TXNRD1: variants seen among roughly 807,000 people sequenced by gnomAD.
The protein encoded by TXNRD1 is thioredoxin reductase 1, cytoplasmic.
In TXNRD1, 57 loss-of-function variants were observed where a neutral mutation model predicts 80.3. The ratio of observed to expected loss-of-function variants is 0.71; its 90% confidence interval spans 0.57 to 0.89. The LOEUF (loss-of-function observed/expected upper bound fraction) is 0.89, where lower values mean the gene tolerates loss of function less well. Ranked by LOEUF, TXNRD1 falls within the 40% of genes least tolerant of loss-of-function variation. The pLI, the probability that TXNRD1 is intolerant of heterozygous loss-of-function variation, is 0.00. For synonymous variants in TXNRD1, 291 were observed against 285.2 expected, an observed-to-expected ratio of 1.02 and a Z score of -0.20; for missense variants, 730 against 803.0, an observed-to-expected ratio of 0.91 and a Z score of 1.10.
chr12:104,260,148 G>A (rs1303704872), intron 3 of TXNRD1, among the ~76,000 whole-genome samples: 1 of 152,006 alleles, frequency 6.6e-6, no homozygotes, highest in African/African-American at 2.4e-5. Context: ...AGCCTGACCA[G>A]TATGGAGAAA....
At chr12:104,310,120 T>C (rs1251952774) in intron 4 of TXNRD1, 3 of 1,482,232 alleles carry the variant, frequency 2.0e-6, no homozygotes, top group Non-Finnish European at 2.7e-6. Flanking sequence ...GGGCTTTTTT[T>C]TGTTATTAAA....
chr12:104,250,137 T>C (rs1469258383), intron 1 of TXNRD1, among the ~76,000 whole-genome samples: 3 of 152,124 alleles, frequency 2.0e-5, no homozygotes, highest in Non-Finnish European at 2.9e-5. Flanking sequence ...TTGACAAGGT[T>C]GGCAAGATAC....
chr12:104,311,209 A>G (rs769709465), intron 4 of TXNRD1, 81 bp from the exon 5 acceptor site: 8 of 1,436,278 alleles, frequency 5.6e-6, no homozygotes, highest in Non-Finnish European at 7.4e-6. Flanking sequence ...GTTTTTCTTT[A>G]AGAAAAGATT....
chr12:104,327,948 C>CAGG (rs1239851600), intron 13 of TXNRD1, among the ~76,000 whole-genome samples: 1 of 151,720 alleles, frequency 6.6e-6, no homozygotes, highest in Non-Finnish European at 1.5e-5. Flanking sequence ...ATCACCAGGT[C>CAGG]AGGAGTTCAA....
rs138442725 is a variant in TXNRD1, at chr12:104,345,621, A to C, written c.1882-2732A>C. ...CTGAACACCTGAGCCGCAGTCATTGAGTAGGAAACGGATTACACATAGTTA... is the reference window on the plus strand; with the variant it reads ...CTGAACACCTGAGCCGCAGTCATTGCGTAGGAAACGGATTACACATAGTTA... On this transcript the variant is annotated intron_variant, in intron 16 of 16. Transcript: ENST00000525566. Among the ~76,000 whole-genome samples the C allele has an allele frequency of 3.7e-3, 247 of 66,360 alleles. 4 individuals are homozygous for C. Among genetic ancestry groups the C allele is most frequent in the African/African-American group, 0.015 (239 of 15,460 alleles). The allele number at this position is 66,360 out of a possible 152,430, so 43.5% of individuals were successfully genotyped here. A position where few individuals can be genotyped will look rare whatever the true frequency, so the allele number is the denominator to read the frequency against.
At chr12:104,338,013 C>T (rs1175077994) in intron 15 of TXNRD1, among the ~76,000 whole-genome samples, 2 of 135,160 alleles carry the variant, frequency 1.5e-5, no homozygotes, top group Non-Finnish European at 3.1e-5. Flanking sequence ...CCAGGCTGGT[C>T]TTGAATGCCT....
At chr12:104,222,039 C>A (rs547871505) in intron 1 of TXNRD1, among the ~76,000 whole-genome samples, 1 of 152,016 alleles carries the variant, frequency 6.6e-6, no homozygotes, top group Non-Finnish European at 1.5e-5. Flanking sequence ...TGTGGCCAGA[C>A]CTGCTTTTTT....
At chr12:104,225,958 G>A (rs1020270847) in intron 1 of TXNRD1, among the ~76,000 whole-genome samples, 2 of 152,116 alleles carry the variant, frequency 1.3e-5, no homozygotes, top group South Asian at 2.1e-4. Flanking sequence ...CCAGCACTTC[G>A]GGAGGCCAAG....
rs34134230 is a variant in TXNRD1, at chr12:104,268,917, C to CTT, written c.304+10855_304+10856dup. ...TATTATAAATCCGTTGTTGTCATTT[C>CTT]TTTTTTTTTTTTTTTTTTGAGATAG... is the stretch of plus-strand genomic sequence containing the variant. On this transcript the variant is annotated intron_variant, in intron 3 of 16. Transcript: ENST00000525566. Among the ~76,000 whole-genome samples, 181 of 127,804 alleles carry CTT rather than the reference C, an allele frequency of 1.4e-3. 3 individuals are homozygous for CTT. Among genetic ancestry groups the CTT allele is most frequent in the Non-Finnish European group, 1.8e-3 (110 of 61,036 alleles). The allele number at this position is 127,804 out of a possible 152,430, so 83.8% of individuals were successfully genotyped here. A position where few individuals can be genotyped will look rare whatever the true frequency, so the allele number is the denominator to read the frequency against.
chr12:104,232,766 C>T (rs958576244), intron 1 of TXNRD1, among the ~76,000 whole-genome samples: 3 of 152,066 alleles, frequency 2.0e-5, no homozygotes, highest in Non-Finnish European at 4.4e-5. Context: ...AAATAGCGCT[C>T]GAATATGAAT....
rs2035202932 is a variant in TXNRD1 at position 104,313,250 on chromosome 12, A to C, written c.543A>C (p.Ala181=). The change falls in exon 6 of 17, where the codon GCA becomes GCC. Residue 181 remains alanine, a synonymous_variant. Coordinates refer to ENST00000525566, the MANE Select transcript of TXNRD1 (RefSeq NM_001093771.3). The stretch of plus-strand genomic sequence containing the variant: ...TTAATAATTTTATTTTCCAGGAGGC[A>C]GCCCAATATGGCAAGAAGGTGATGG... ...GSGGLAAAKE[A]AQYGKKVMVL... 3 of 1,583,440 alleles carry C rather than the reference A, an allele frequency of 1.9e-6. No homozygotes were observed. The highest frequency in any genetic ancestry group is 2.6e-6 in the Non-Finnish European group (3 of 1,163,016).
intron 5 of TXNRD1, among the ~76,000 whole-genome samples, chr12:104,311,778 CA>C (rs1257872142): frequency 1.3e-5 from 2 of 152,000 alleles, no homozygotes; most frequent in South Asian, 2.1e-4. Flanking sequence ...GTCAGGAGTT[CA>C]AGACCAGCCT....
chr12:104,277,578 TAAAC>T (rs2033782226), intron 3 of TXNRD1, among the ~76,000 whole-genome samples: 1 of 151,846 alleles, frequency 6.6e-6, no homozygotes, highest in Non-Finnish European at 1.5e-5. Flanking sequence ...AACAAACAAA[TAAAC>T]AAAAGAAATA....
At chr12:104,224,980 T>C in intron 1 of TXNRD1, 1 of 442,284 alleles carries the variant, frequency 2.3e-6, no homozygotes, top group Non-Finnish European at 4.6e-6. Context: ...TGGAACATTG[T>C]ATTTCCCAGT....
rs756948232 is a variant in TXNRD1 at position 104,252,662 on chromosome 12, T to TATATA, written c.243+984_243+985insATATA. ...CACTGAGAGGTTAATTTATTATTTT[T>TATATA]TATATATATATATATATATATATAT... On this transcript the variant is annotated intron_variant, in intron 2 of 16. Transcript: ENST00000525566. Among the ~76,000 whole-genome samples, 291 of 45,674 alleles carry TATATA rather than the reference T, an allele frequency of 6.4e-3. 7 individuals carry two copies. The highest frequency in any genetic ancestry group is 0.039 in the East Asian group (32 of 822). The allele number at this position is 45,674 out of a possible 152,430, so 30.0% of individuals were successfully genotyped here. A position where few individuals can be genotyped will look rare whatever the true frequency, so the allele number is the denominator to read the frequency against.
rs1333831219 is a variant in TXNRD1 at position 104,350,150 on chromosome 12, T to TA, written c.*1730dup. ...TCCCCACAAGAAGGATTATATCTTA[T>TA]AGACTTGTCTTGTTCAGATTCTGTA... On this transcript the variant is annotated 3_prime_UTR_variant, in exon 17 of 17. Transcript: ENST00000525566. The TA allele has an allele frequency of 1.3e-5, 2 of 152,222 alleles. No individual in the cohort carries two copies. Among genetic ancestry groups the TA allele is most frequent in the African/African-American group, 4.8e-5 (2 of 41,456 alleles). The allele number at this position is 152,222 out of a possible 1,614,324, so 9.4% of individuals were successfully genotyped here. A position where few individuals can be genotyped will look rare whatever the true frequency, so the allele number is the denominator to read the frequency against.
At chr12:104,337,880 G>T (rs2036191046) in intron 15 of TXNRD1, among the ~76,000 whole-genome samples, 1 of 151,232 alleles carries the variant, frequency 6.6e-6, no homozygotes, top group African/African-American at 2.4e-5. Flanking sequence ...TCGACCTCCT[G>T]GGCTCAAGCA....
intron 3 of TXNRD1, 64 bp from the exon 4 acceptor site, chr12:104,288,867 A>C (rs567583697): frequency 2.5e-6 from 4 of 1,613,110 alleles, no homozygotes; most frequent in Non-Finnish European, 2.5e-6. Context: ...CCCCCGGCGC[A>C]GTTCCCGCCT....
intron 1 of TXNRD1, among the ~76,000 whole-genome samples, chr12:104,216,142 C>T (rs1159340916): frequency 4.6e-5 from 7 of 152,202 alleles, no homozygotes; most frequent in Non-Finnish European, 8.8e-5. Flanking sequence ...GAAGGAGGAG[C>T]GGGCCCGCCG....
Sources: gnomAD v4.1 joint callset for allele counts (sites outside exome capture counted in the v4.1 genomes callset) on GRCh38, gnomAD v4.1.1 for gene constraint, MANE v1.5 for transcripts, NCBI Gene and HGNC (gene_info 2026-07-23, HGNC 2026-07-21) for gene names.